The following CTNNA2 variants were observed in gnomAD, a reference collection of about 807,000 sequenced individuals.
CTNNA2 encodes the protein catenin alpha 2.
CTNNA2 carries 42 observed loss-of-function variants against 101.0 expected under a neutral mutation model. The ratio of observed to expected loss-of-function variants is 0.42; its 90% confidence interval spans 0.32 to 0.54. The LOEUF is 0.54. Among genes scored for constraint, CTNNA2 ranks in the 20% least tolerant of loss-of-function variants. The pLI is 0.14. For synonymous variants in CTNNA2, 450 were observed against 456.4 expected (o/e 0.99, Z 0.18); for missense variants, 871 against 1,223.1 (o/e 0.71, Z 4.29).
At chr2:80,125,872 A>G (rs1003957762) in intron 7 of CTNNA2, among the ~76,000 whole-genome samples, 1 of 152,182 alleles carries the variant, frequency 6.6e-6, no homozygotes, top group Non-Finnish European at 1.5e-5. Context: ...AATACCCCAC[A>G]TGATAGAAAG....
At chr2:80,592,399 A>T (rs951646521) in intron 15 of CTNNA2, among the ~76,000 whole-genome samples, 1 of 152,142 alleles carries the variant, frequency 6.6e-6, no homozygotes, top group Non-Finnish European at 1.5e-5. Context: ...CACAAAATAA[A>T]AATCCTTGTG....
At chr2:80,099,444 T>C (rs1293467339) in intron 7 of CTNNA2, among the ~76,000 whole-genome samples, 1 of 152,152 alleles carries the variant, frequency 6.6e-6, no homozygotes, top group African/African-American at 2.4e-5. Context: ...AGCAAAGTTG[T>C]GTAGTGGTCA....
intron 7 of CTNNA2, among the ~76,000 whole-genome samples, chr2:80,226,631 A>T (rs1350560908): frequency 1.3e-5 from 2 of 152,120 alleles, no homozygotes; most frequent in Non-Finnish European, 2.9e-5. Context: ...TCTTGTCTTC[A>T]TATCTCCCTC....
chr2:79,675,711 G>T (rs1455670867), intron 2 of CTNNA2, among the ~76,000 whole-genome samples: 1 of 151,448 alleles, frequency 6.6e-6, no homozygotes, highest in East Asian at 1.9e-4. Flanking sequence ...ATGTCTGTCT[G>T]TTTCATTGTG....
At chr2:80,143,320 A>G (rs1050979118) in intron 7 of CTNNA2, among the ~76,000 whole-genome samples, 3 of 152,182 alleles carry the variant, frequency 2.0e-5, no homozygotes, top group Non-Finnish European at 4.4e-5. Context: ...TCAAATCATA[A>G]TTGAATATAT....
intron 4 of CTNNA2, among the ~76,000 whole-genome samples, chr2:79,463,481 A>C (rs910344997): frequency 1.3e-5 from 2 of 152,008 alleles, no homozygotes; most frequent in Non-Finnish European, 2.9e-5. Context: ...GTGAGTTGAC[A>C]TATATTGTGA....
At chr2:79,605,729 C>A (rs1411162999) in intron 1 of CTNNA2, among the ~76,000 whole-genome samples, 1 of 151,952 alleles carries the variant, frequency 6.6e-6, no homozygotes, top group African/African-American at 2.4e-5. Context: ...CATTGTAAGA[C>A]ACCATCTCTA....
chr2:80,169,786 C>T (rs1242486249), intron 7 of CTNNA2, among the ~76,000 whole-genome samples: 1 of 152,218 alleles, frequency 6.6e-6, no homozygotes, highest in Non-Finnish European at 1.5e-5. Flanking sequence ...AGCATTGTAA[C>T]AGTATACAAA....
At chr2:79,870,953 C>T (rs1456471631) in intron 5 of CTNNA2, among the ~76,000 whole-genome samples, 6 of 152,160 alleles carry the variant, frequency 3.9e-5, no homozygotes, top group Non-Finnish European at 7.3e-5. Flanking sequence ...ATATCAGCCT[C>T]CTTTTTGTCT....
chr2:79,651,281 G>A (rs1305795623), intron 1 of CTNNA2, among the ~76,000 whole-genome samples: 1 of 152,158 alleles, frequency 6.6e-6, no homozygotes, highest in Non-Finnish European at 1.5e-5. Context: ...TCATTGTTGA[G>A]TAAATGAAAT....
chr2:80,135,728 T>G (rs2148901249), intron 7 of CTNNA2, among the ~76,000 whole-genome samples: 1 of 152,256 alleles, frequency 6.6e-6, no homozygotes, highest in South Asian at 2.1e-4. Flanking sequence ...ATTTACAGTC[T>G]AGACTCCAGA....
chr2:79,891,780 G>T (rs1684324175), intron 6 of CTNNA2, among the ~76,000 whole-genome samples: 2 of 151,942 alleles, frequency 1.3e-5, no homozygotes, highest in South Asian at 4.2e-4. Flanking sequence ...AAGTAAGTAG[G>T]AAGAAACAAA....
At chr2:79,811,274 T>G (rs1033104610) in intron 3 of CTNNA2, among the ~76,000 whole-genome samples, 13 of 152,174 alleles carry the variant, frequency 8.5e-5, no homozygotes, top group South Asian at 2.1e-4. Flanking sequence ...TTCTCTGATG[T>G]CCAGTGATGA....
chr2:79,218,137 A>G (rs1236818518), intron 2 of CTNNA2, among the ~76,000 whole-genome samples: 1 of 152,204 alleles, frequency 6.6e-6, no homozygotes, highest in East Asian at 1.9e-4. Flanking sequence ...AAGCCTAGAA[A>G]TTGGTAAGGC....
At chr2:80,550,826 T>C (rs1484498425) in intron 11 of CTNNA2, among the ~76,000 whole-genome samples, 3 of 152,184 alleles carry the variant, frequency 2.0e-5, no homozygotes, top group Non-Finnish European at 4.4e-5. Flanking sequence ...TGGGATCAAC[T>C]TTTTCCAAAC....
chr2:80,131,259 G>A (rs1352690840), intron 7 of CTNNA2, among the ~76,000 whole-genome samples: 1 of 152,018 alleles, frequency 6.6e-6, no homozygotes, highest in African/African-American at 2.4e-5. Flanking sequence ...AGATTTCACT[G>A]TGTTAGCCAG....
chr2:79,856,589 G>T (rs1681155218), intron 3 of CTNNA2, among the ~76,000 whole-genome samples: 1 of 152,116 alleles, frequency 6.6e-6, no homozygotes, highest in African/African-American at 2.4e-5. Flanking sequence ...TCCATTTATG[G>T]TTTCTCACAG....
intron 4 of CTNNA2, among the ~76,000 whole-genome samples, chr2:79,502,962 C>A (rs1255572098): frequency 5.3e-5 from 8 of 152,136 alleles, no homozygotes; most frequent in African/African-American, 1.9e-4. Flanking sequence ...AAGGGCTCAA[C>A]AATATAGACC....
At chr2:80,110,131 C>A (rs964773295) in intron 7 of CTNNA2, among the ~76,000 whole-genome samples, 2 of 152,116 alleles carry the variant, frequency 1.3e-5, no homozygotes, top group African/African-American at 4.8e-5. Context: ...CACGACGGTG[C>A]CATATTGAAT....
Sources: gnomAD v4.1 joint callset for allele counts (sites outside exome capture counted in the v4.1 genomes callset) on GRCh38, gnomAD v4.1.1 for gene constraint, MANE v1.5 for transcripts, NCBI Gene and HGNC (gene_info 2026-07-23, HGNC 2026-07-21) for gene names.